ABCA12: variants seen among roughly 807,000 people sequenced by gnomAD.
ABCA12 encodes glucosylceramide transporter ABCA12.
Under a neutral mutation model 293.5 loss-of-function variants are expected in ABCA12, and 156 were observed. The observed-to-expected ratio is 0.53, with a 90% confidence interval of 0.47 to 0.61. The LOEUF is 0.61. Among genes scored for constraint, ABCA12 ranks in the 20% least tolerant of loss-of-function variants. ABCA12 has a pLI of 0.00. For synonymous variants in ABCA12, 1,063 were observed against 1,108.0 expected (o/e 0.96, Z 0.81); for missense variants, 2,797 against 3,090.2 (o/e 0.91, Z 2.25).
chr2:214,959,119 T>C, intron 39 of ABCA12, 41 bp from the exon 40 acceptor site: 1 of 1,489,342 alleles, frequency 6.7e-7, no homozygotes, highest in African/African-American at 1.4e-5. Context: ...GGTATTCAGT[T>C]AATCAGAAAT....
chr2:214,994,425 AAG>A (rs1384529994), intron 23 of ABCA12, among the ~76,000 whole-genome samples: 1 of 152,212 alleles, frequency 6.6e-6, no homozygotes, highest in Non-Finnish European at 1.5e-5. Flanking sequence ...GAGAATAAGA[AAG>A]AGATTCTAGA....
chr2:214,983,235 A>T (rs947645883), intron 29 of ABCA12, among the ~76,000 whole-genome samples: 1 of 152,200 alleles, frequency 6.6e-6, no homozygotes, highest in Non-Finnish European at 1.5e-5. Context: ...TATACTGAGC[A>T]TGGAAGGAAG....
At chr2:215,132,946 T>C (rs1703092813) in intron 1 of ABCA12, among the ~76,000 whole-genome samples, 1 of 151,962 alleles carries the variant, frequency 6.6e-6, no homozygotes, top group African/African-American at 2.4e-5. Flanking sequence ...CTTAGTGTTT[T>C]CTTGTCTGGG....
At chr2:215,059,724 A>G (rs1485241673) in intron 3 of ABCA12, among the ~76,000 whole-genome samples, 3 of 151,976 alleles carry the variant, frequency 2.0e-5, no homozygotes, top group African/African-American at 7.2e-5. Flanking sequence ...AGATAACACC[A>G]CTGTGTCTCT....
intron 11 of ABCA12, chr2:215,022,715 A>C (rs1226328505): frequency 1.3e-5 from 2 of 152,104 alleles, no homozygotes; most frequent in East Asian, 1.9e-4. Context: ...ATGTATCTGA[A>C]TCAGAATCGT....
chr2:215,006,634 T>C (rs772695121), intron 19 of ABCA12, among the ~76,000 whole-genome samples: 3 of 152,144 alleles, frequency 2.0e-5, no homozygotes, highest in Admixed American at 6.5e-5. Flanking sequence ...AGCATGATCA[T>C]ACAAAAGGGC....
At chr2:215,048,806 C>T (rs945663817) in intron 6 of ABCA12, among the ~76,000 whole-genome samples, 2 of 152,068 alleles carry the variant, frequency 1.3e-5, no homozygotes, top group Admixed American at 6.6e-5. Flanking sequence ...ATATACACTG[C>T]GGAATACTAT....
chr2:215,057,299 T>C (rs1701438935), intron 3 of ABCA12, among the ~76,000 whole-genome samples: 2 of 151,790 alleles, frequency 1.3e-5, no homozygotes, highest in Admixed American at 1.3e-4. Context: ...GTACCAAGAG[T>C]CTCTCTGGGC....
chr2:215,010,561 C>A (rs1034625809), intron 17 of ABCA12, 91 bp from the exon 18 acceptor site: 5 of 1,385,802 alleles, frequency 3.6e-6, no homozygotes, highest in Non-Finnish European at 5.0e-6. Flanking sequence ...TCTTATCACA[C>A]CCAAAAATAC....
intron 36 of ABCA12, among the ~76,000 whole-genome samples, chr2:214,970,988 T>G (rs1461387675): frequency 6.6e-6 from 1 of 152,168 alleles, no homozygotes; most frequent in Non-Finnish European, 1.5e-5. Flanking sequence ...GTCACAAAGC[T>G]AGTGGAGAGT....
chr2:214,933,829 A>G (rs1404925083), intron 52 of ABCA12, among the ~76,000 whole-genome samples: 2 of 152,134 alleles, frequency 1.3e-5, no homozygotes, highest in Non-Finnish European at 2.9e-5. Flanking sequence ...TTTTTTCTTT[A>G]TGTATACATA....
intron 1 of ABCA12, among the ~76,000 whole-genome samples, chr2:215,126,020 G>C (rs1488589483): frequency 6.6e-6 from 1 of 152,058 alleles, no homozygotes; most frequent in South Asian, 2.1e-4. Context: ...ACTGGATTTT[G>C]TCAAATGTTT....
intron 3 of ABCA12, among the ~76,000 whole-genome samples, chr2:215,060,419 CT>C (rs1701506363): frequency 6.6e-6 from 1 of 151,840 alleles, no homozygotes; most frequent in Non-Finnish European, 1.5e-5. Context: ...TTTAACCATT[CT>C]TTTTTCACTT....
rs1384849984 is a variant in ABCA12 at position 215,045,909 on chromosome 2, G to C, written c.800C>G (p.Ser267Cys). Reference protein sequence around the residue: ...QEQKAVWQLLSSFPNVFQNDT... With the variant: ...QEQKAVWQLLCSFPNVFQNDT... Reference sequence around the variant, plus strand: ...ATTCTGAAACACATTTGGAAAACTAGACAGAAGCTGCCACACAGCTTTCTG... The same window carrying C: ...ATTCTGAAACACATTTGGAAAACTACACAGAAGCTGCCACACAGCTTTCTG... Residue 267 changes from serine (S) to cysteine (C), a missense_variant, in exon 7 of 53, where the codon TCT becomes TGT. Coordinates refer to ENST00000272895, the MANE Select transcript of ABCA12 (RefSeq NM_173076.3). The C allele has an allele frequency of 6.2e-7, 1 of 1,613,650 alleles. No homozygotes were observed. Among genetic ancestry groups the C allele is most frequent in the Admixed American group, 1.7e-5 (1 of 59,982 alleles).
At chr2:215,033,956 A>AAAT (rs1213301692) in intron 8 of ABCA12, among the ~76,000 whole-genome samples, 1 of 152,158 alleles carries the variant, frequency 6.6e-6, no homozygotes, top group Non-Finnish European at 1.5e-5. Flanking sequence ...ATAAAAATAA[A>AAAT]AATAAAAAAA....
At position 214,970,350 on chromosome 2, in the gene ABCA12, G is replaced by C; in HGVS notation, c.5613C>G (p.Ser1871=). 6.2e-7 allele frequency: 1 copy of C among 1,613,118 alleles called. No homozygotes were observed. Residue 1871 remains serine (S), a synonymous_variant, in exon 37 of 53, where the codon TCC becomes TCG. Transcript: ENST00000272895. ...GCCCAGTGAGGTTATAAATTACCTG[G>C]GATGAGTAAGTTCTTCTGTGCGGTG... ...YSPPHRRTYS[S]QVIYNLTGQR... is the part of the protein sequence containing the mutation.
intron 37 of ABCA12, 84 bp from the exon 38 acceptor site, chr2:214,968,891 A>C: frequency 8.1e-7 from 1 of 1,239,422 alleles, no homozygotes; most frequent in Non-Finnish European, 1.2e-6. Flanking sequence ...GAGGAGCTCA[A>C]CTTTTTGTTT....
chr2:214,980,580 G>T lies in ABCA12; in HGVS notation c.4643C>A (p.Ala1548Asp). 1 of 1,614,028 alleles carries T rather than the reference G, an allele frequency of 6.2e-7. No individual in the cohort carries two copies. The highest frequency in any genetic ancestry group is 8.5e-7 in the Non-Finnish European group (1 of 1,179,988). Residue 1548 changes from alanine to aspartate, a missense_variant, in exon 31 of 53, where the codon GCC becomes GAC. Coordinates refer to ENST00000272895, the MANE Select transcript of ABCA12 (RefSeq NM_173076.3). ...CCTAAGCCCACCCTGCTCCAGGAAGGCGATGCGGTCACTCAGCACTTCAGC... is the reference window on the plus strand; with the variant it reads ...CCTAAGCCCACCCTGCTCCAGGAAGTCGATGCGGTCACTCAGCACTTCAGC... ...DEAEVLSDRI[A>D]FLEQGGLRCC...
chr2:214,956,865 C>A (rs1417647894), intron 41 of ABCA12, 87 bp from the exon 42 acceptor site: 4 of 870,138 alleles, frequency 4.6e-6, no homozygotes, highest in Non-Finnish European at 7.6e-6. Context: ...TTTAAAACTG[C>A]AACAAGTTGA....
Sources: gnomAD v4.1 joint callset for allele counts (sites outside exome capture counted in the v4.1 genomes callset) on GRCh38, gnomAD v4.1.1 for gene constraint, MANE v1.5 for transcripts, NCBI Gene and HGNC (gene_info 2026-07-23, HGNC 2026-07-21) for gene names.